The following FAM53B variants were observed in gnomAD, a reference collection of about 807,000 sequenced individuals.
FAM53B encodes family with sequence similarity 53 member B, also known as protein FAM53B.
A neutral mutation model predicts 32.7 loss-of-function variants in FAM53B; 12 were observed. That is an observed-to-expected ratio of 0.37 (90% CI 0.24 to 0.59). FAM53B has a LOEUF of 0.59. FAM53B is among the 20% of genes least tolerant of loss of function. The probability of loss-of-function intolerance (pLI) is 0.72; values close to 1 mark genes in which losing one functional copy is unlikely to be tolerated. For missense variants in FAM53B, 477 were observed against 577.7 expected (o/e 0.83, Z 1.79); for synonymous variants, 234 against 228.7 (o/e 1.02, Z -0.21).
chr10:124,623,526 G>A lies in FAM53B; in HGVS notation c.985C>T (p.His329Tyr). The A allele has an allele frequency of 6.5e-7, 1 of 1,550,114 alleles. No homozygotes were observed. The highest frequency in any genetic ancestry group is 8.7e-7 in the Non-Finnish European group (1 of 1,148,872). Reference sequence around the variant, plus strand: ...GTCCAGGCCCTGGTGTTGCTGACGTGGCGGGCGAAGGGGCTCTGGGGACCG... The same window carrying A: ...GTCCAGGCCCTGGTGTTGCTGACGTAGCGGGCGAAGGGGCTCTGGGGACCG... ...DCGPQSPFARHVSNTRAWTAL... is the reference protein window; with the variant it reads ...DCGPQSPFARYVSNTRAWTAL... The change falls in exon 5 of 5, where the codon CAC becomes TAC. Residue 329 changes from histidine to tyrosine, a missense_variant. Coordinates refer to ENST00000337318, the MANE Select transcript of FAM53B (RefSeq NM_014661.4).
At chr10:124,646,307 A>T (rs77465478) in intron 4 of FAM53B, among the ~76,000 whole-genome samples, 1 of 152,174 alleles carries the variant, frequency 6.6e-6, no homozygotes, top group Non-Finnish European at 1.5e-5. Flanking sequence ...GAATGTTTCC[A>T]TCGTGGCTTC....
intron 4 of FAM53B, among the ~76,000 whole-genome samples, chr10:124,649,077 A>G (rs184477846): frequency 1.4e-4 from 22 of 152,370 alleles, no homozygotes; most frequent in Admixed American, 5.9e-4. Context: ...CCCCATCATC[A>G]GCTAACTTTC....
chr10:124,739,063 A>C (rs1043537475), intron 1 of FAM53B, among the ~76,000 whole-genome samples: 8 of 152,126 alleles, frequency 5.3e-5, no homozygotes, highest in Admixed American at 3.9e-4. Flanking sequence ...AAAACAAAAA[A>C]CAAAAAAACA....
Position 124,629,182 on chromosome 10 carries a change from C to G in FAM53B, c.907-5578G>C, listed in dbSNP as rs560792183. Among the ~76,000 whole-genome samples the G allele has an allele frequency of 2.6e-5, 4 of 152,202 alleles. No individual in the cohort carries two copies. The South Asian group carries it at 6.2e-4, about 24-fold the overall frequency. Reference sequence around the variant, plus strand: ...CAGTTCCTGGCCCCAGCCTGCCTGGCATGTGCTGGGGAGGGGTGGTTGTTG... The same window carrying G: ...CAGTTCCTGGCCCCAGCCTGCCTGGGATGTGCTGGGGAGGGGTGGTTGTTG... On this transcript the variant is annotated intron_variant, in intron 4 of 4. Coordinates refer to ENST00000337318, the MANE Select transcript of FAM53B (RefSeq NM_014661.4).
intron 3 of FAM53B, among the ~76,000 whole-genome samples, chr10:124,688,505 C>T (rs1041303927): frequency 6.6e-6 from 1 of 152,192 alleles, no homozygotes; most frequent in African/African-American, 2.4e-5. Flanking sequence ...CATCCCTGGG[C>T]CCAGTTCTCT....
chr10:124,633,377 T>C (rs901330978), intron 4 of FAM53B, among the ~76,000 whole-genome samples: 4 of 152,166 alleles, frequency 2.6e-5, no homozygotes, highest in African/African-American at 9.7e-5. Flanking sequence ...AGAAGTCTAA[T>C]ATGATCCCAA....
In FAM53B at chr10:124,681,575, C is replaced by T. The variant is rs1457666079; in HGVS notation, c.906+32G>A. ...GAACCAGCAGAGGCTCCAGTGAGCA[C>T]CAAGGTGACTCCAGGCTGCTGGGGC... On this transcript the variant is annotated intron_variant, in intron 4 of 4. Coordinates refer to ENST00000337318, the MANE Select transcript of FAM53B (RefSeq NM_014661.4). 10 of 1,531,248 alleles carry T rather than the reference C, an allele frequency of 6.5e-6. No homozygotes were observed. The South Asian group carries it at 1.2e-4, about 19-fold the overall frequency. The allele number at this position is 1,531,248 out of a possible 1,614,324, so 94.9% of individuals were successfully genotyped here. A position where few individuals can be genotyped will look rare whatever the true frequency, so the allele number is the denominator to read the frequency against.
chr10:124,642,273 GC>G (rs1949480921), intron 4 of FAM53B, among the ~76,000 whole-genome samples: 1 of 152,232 alleles, frequency 6.6e-6, no homozygotes, highest in African/African-American at 2.4e-5. Flanking sequence ...CTTAACAAAG[GC>G]ACGGGCTCCA....
rs1342199464 is a variant in FAM53B at position 124,633,993 on chromosome 10, G to A, written c.907-10389C>T. Among the ~76,000 whole-genome samples, 7 of 152,354 alleles carry A rather than the reference G, an allele frequency of 4.6e-5. No individual in the cohort carries two copies. The East Asian group carries it at 5.8e-4, about 13-fold the overall frequency. ...GAATGTAAGATGGTACAGTCGTTGC[G>A]GAGAACAGTTTGGCAGCTTCTCAAA... On this transcript the variant is annotated intron_variant, in intron 4 of 4. Coordinates refer to ENST00000337318, the MANE Select transcript of FAM53B (RefSeq NM_014661.4).
At chr10:124,653,636 C>T (rs1238312222) in intron 4 of FAM53B, among the ~76,000 whole-genome samples, 1 of 152,218 alleles carries the variant, frequency 6.6e-6, no homozygotes, top group Non-Finnish European at 1.5e-5. Context: ...GGTCAAAGCC[C>T]TCTCTTAACC....
intron 2 of FAM53B, among the ~76,000 whole-genome samples, chr10:124,697,975 C>T (rs956249063): frequency 1.3e-5 from 2 of 152,232 alleles, no homozygotes; most frequent in Non-Finnish European, 2.9e-5. Context: ...ACACCGAAGT[C>T]ATCCAATGGC....
At chr10:124,707,338 C>G (rs1949967666) in intron 1 of FAM53B, among the ~76,000 whole-genome samples, 1 of 152,336 alleles carries the variant, frequency 6.6e-6, no homozygotes, top group East Asian at 1.9e-4. Flanking sequence ...GGTCGGCCCT[C>G]AGGCAGCCAA....
chr10:124,717,370 A>G (rs987167871), intron 1 of FAM53B, among the ~76,000 whole-genome samples: 1 of 152,224 alleles, frequency 6.6e-6, no homozygotes, highest in Non-Finnish European at 1.5e-5. Context: ...GAGCATGAAA[A>G]TCAATAGATT....
intron 4 of FAM53B, among the ~76,000 whole-genome samples, chr10:124,672,093 C>T (rs1949710243): frequency 6.6e-6 from 1 of 152,208 alleles, no homozygotes; most frequent in African/African-American, 2.4e-5. Flanking sequence ...TGATGCAGTG[C>T]CTGGGGCGAC....
At position 124,648,345 on chromosome 10, in the gene FAM53B, G is replaced by A. The variant is rs546548750; in HGVS notation, c.907-24741C>T. On this transcript the variant is annotated intron_variant, in intron 4 of 4. Transcript: ENST00000337318. ...GGGTGCCTCCAGCCCAGTGTGCCTG[G>A]TGCCCACGAGCCTGCAGTCTCCATG... Among the ~76,000 whole-genome samples the A allele has an allele frequency of 2.6e-3, 400 of 152,348 alleles. 1 individual carries two copies. Among genetic ancestry groups the A allele is most frequent in the African/African-American group, 9.3e-3 (388 of 41,580 alleles).
chr10:124,647,454 A>T (rs1385423438), intron 4 of FAM53B, among the ~76,000 whole-genome samples: 1 of 152,224 alleles, frequency 6.6e-6, no homozygotes, highest in Non-Finnish European at 1.5e-5. Context: ...AAGGAACTGG[A>T]AGCTCCCTGT....
At chr10:124,692,933 C>G (rs757251257) in intron 3 of FAM53B, among the ~76,000 whole-genome samples, 49 of 152,182 alleles carry the variant, frequency 3.2e-4, no homozygotes, top group Non-Finnish European at 6.8e-4. Context: ...CAGCGAGGAC[C>G]CTGGCATGGG....
chr10:124,681,025 G>T (rs1949767170), intron 4 of FAM53B, among the ~76,000 whole-genome samples: 1 of 152,228 alleles, frequency 6.6e-6, no homozygotes, highest in South Asian at 2.1e-4. Context: ...AGTGACAGGG[G>T]CGTGTGGCCA....
At chr10:124,686,170 A>C (rs1005660449) in intron 3 of FAM53B, among the ~76,000 whole-genome samples, 2 of 152,236 alleles carry the variant, frequency 1.3e-5, no homozygotes, top group Admixed American at 6.5e-5. Flanking sequence ...ATTCTTTATA[A>C]AACTAAAGTT....
Sources: allele counts gnomAD v4.1 joint callset (sites outside exome capture counted in the v4.1 genomes callset), GRCh38; gene constraint gnomAD v4.1.1; transcripts MANE v1.5; gene names NCBI Gene and HGNC (gene_info 2026-07-23, HGNC 2026-07-21).